PFN1: variants seen among roughly 807,000 people sequenced by gnomAD.
PFN1 encodes profilin 1, also known as profilin-1.
PFN1 carries 2 observed loss-of-function variants against 11.7 expected under a neutral mutation model. The ratio of observed to expected loss-of-function variants is 0.17; its 90% CI spans 0.07 to 0.54. PFN1 has a LOEUF of 0.54. Among genes scored for constraint, PFN1 ranks in the 20% least tolerant of loss-of-function variants. The pLI, the probability that PFN1 is intolerant of heterozygous loss-of-function variation, is 0.94. For synonymous variants in PFN1, 78 were observed against 76.2 expected (o/e 1.02, Z -0.12); for missense variants, 97 against 188.4 (o/e 0.51, Z 2.84).
intron 2 of PFN1, among the ~76,000 whole-genome samples, 174 bp from the exon 3 acceptor site, chr17:4,946,171 T>C (rs1055280883): frequency 1.3e-5 from 2 of 151,198 alleles, no homozygotes; most frequent in African/African-American, 4.9e-5. Flanking sequence ...AATAAGGCTT[T>C]TCAAAAGAGG....
intron 1 of PFN1, chr17:4,947,156 C>G (rs1387071300): frequency 7.0e-6 from 1 of 142,688 alleles, no homozygotes; most frequent in Admixed American, 8.0e-5. Context: ...TTTGGATGCT[C>G]AGAACTCTCC....
In PFN1 at chr17:4,948,514, G is replaced by A. The variant is rs2151136317; in HGVS notation, c.-120C>T. On this transcript the variant is annotated 5_prime_UTR_variant, in exon 1 of 3. Coordinates refer to ENST00000225655, the MANE Select transcript of PFN1 (RefSeq NM_005022.4). ...CGGGGCACGCGCTGCCGTCCGGACC[G>A]CGGCTCCGCTCGCTGTGCAGCAGCC... The A allele has an allele frequency of 5.2e-6, 6 of 1,156,330 alleles. No homozygotes were observed. Among genetic ancestry groups the A allele is most frequent in the African/African-American group, 1.6e-5 (1 of 60,926 alleles). 71.6% of individuals were successfully genotyped at this position (1,156,330 alleles called of 1,614,324 possible). A position where few individuals can be genotyped will look rare whatever the true frequency, so the allele number is the denominator to read the frequency against.
intron 2 of PFN1, 25 bp downstream of exon 2, chr17:4,946,603 G>A (rs1465771814): frequency 1.3e-6 from 2 of 1,565,714 alleles, no homozygotes; most frequent in Non-Finnish European, 1.7e-6. Context: ...TGGAGCTAAA[G>A]GAAGGGTAAG....
At position 4,946,664 on chromosome 17, in the gene PFN1, G is replaced by C; in HGVS notation, c.289C>G (p.Pro97Ala). Residue 97 changes from proline to alanine, a missense_variant, in exon 2 of 3, where the codon CCC becomes GCC. Transcript: ENST00000225655. ...TTGGTGACAGTGACATTGAAGGTGG[G>C]GGCCCCACCGGTGCTCTTGGTACGA... ...DLRTKSTGGAPTFNVTVTKTD... is the reference protein window; with the variant it reads ...DLRTKSTGGAATFNVTVTKTD... 9 of 1,613,672 alleles carry C rather than the reference G, an allele frequency of 5.6e-6. No individual in the cohort carries two copies. Among genetic ancestry groups the C allele is most frequent in the Non-Finnish European group, 7.6e-6 (9 of 1,179,730 alleles).
chr17:4,947,979 C>G (rs901083105), intron 1 of PFN1: 9 of 350,964 alleles, frequency 2.6e-5, no homozygotes, highest in Admixed American at 4.9e-5. Context: ...CGGAAGTGGG[C>G]CGCCGCACCG....
chr17:4,946,038 G>A (rs374390147), intron 2 of PFN1, 41 bp from the exon 3 acceptor site: 10 of 1,440,002 alleles, frequency 6.9e-6, no homozygotes, highest in Non-Finnish European at 9.8e-6. Context: ...GGATCCAGGT[G>A]TCACAATTCC....
chr17:4,947,977 G>A, intron 1 of PFN1: 1 of 349,436 alleles, frequency 2.9e-6, no homozygotes, highest in Non-Finnish European at 5.2e-6. Flanking sequence ...GGCGGAAGTG[G>A]GCCGCCGCAC....
In PFN1 at chr17:4,948,017, C is replaced by T. The variant is rs1276390662; in HGVS notation, c.132+246G>A. 2.7e-5 allele frequency: 12 copies of T among 438,382 alleles called. No individual in the cohort carries two copies. In the East Asian group the frequency reaches 4.3e-4, roughly 16 times the overall value. 27.2% of individuals were successfully genotyped at this position (438,382 alleles called of 1,614,324 possible). A position where few individuals can be genotyped will look rare whatever the true frequency, so the allele number is the denominator to read the frequency against. On this transcript the variant is annotated intron_variant, in intron 1 of 2. Coordinates refer to ENST00000225655, the MANE Select transcript of PFN1 (RefSeq NM_005022.4). Reference sequence around the variant, plus strand: ...CGCCGCGCCCCTCCCCGCCCTGTGCCCCGGATGTAACGCCCCGTCGCGGAA... The same window carrying T: ...CGCCGCGCCCCTCCCCGCCCTGTGCTCCGGATGTAACGCCCCGTCGCGGAA...
At chr17:4,947,898 T>C (rs377242789) in intron 1 of PFN1, among the ~76,000 whole-genome samples, 107 of 152,036 alleles carry the variant, frequency 7.0e-4, no homozygotes, top group East Asian at 3.7e-3. Flanking sequence ...GGTCCAAGGA[T>C]CCCCGGGTCC....
chr17:4,947,055 A>G (rs919939961), intron 1 of PFN1: 7 of 437,078 alleles, frequency 1.6e-5, no homozygotes, highest in Middle Eastern at 5.7e-4. Flanking sequence ...GGAGGAAGGG[A>G]TGACATACTC....
chr17:4,947,700 G>A (rs1971434648), intron 1 of PFN1, among the ~76,000 whole-genome samples: 1 of 152,112 alleles, frequency 6.6e-6, no homozygotes, highest in African/African-American at 2.4e-5. Context: ...GGCCTCGCAG[G>A]AATGTTGAAT....
chr17:4,946,879 T>C lies in PFN1; in HGVS notation c.133-59A>G, dbSNP rs994683028. On this transcript the variant is annotated intron_variant, in intron 1 of 2. Transcript: ENST00000225655. ...CAGTGCACCAAGATTCCCACCGTGT[T>C]CTCCAAAGACCCACCTGTCTTCCAC... 2.7e-6 allele frequency: 4 copies of C among 1,498,128 alleles called. No homozygotes were observed. The East Asian group carries it at 9.1e-5, about 34-fold the overall frequency. The allele number at this position is 1,498,128 out of a possible 1,614,324, so 92.8% of individuals were successfully genotyped here. A position where few individuals can be genotyped will look rare whatever the true frequency, so the allele number is the denominator to read the frequency against.
chr17:4,946,499 CAAGG>C (rs1174244124), intron 2 of PFN1, 125 bp downstream of exon 2: 10 of 686,276 alleles, frequency 1.5e-5, no homozygotes, highest in Admixed American at 1.2e-4. Flanking sequence ...ATCCAGCAGA[CAAGG>C]AACACAATAC....
intron 1 of PFN1, 163 bp from the exon 2 acceptor site, chr17:4,946,983 AG>A: frequency 1.9e-6 from 1 of 515,904 alleles, no homozygotes; most frequent in South Asian, 3.2e-5. Flanking sequence ...AGAAACTCTG[AG>A]GACTGTGGGA....
Position 4,946,396 on chromosome 17 carries a change from C to G in PFN1, c.325+232G>C, listed in dbSNP as rs113150784. ...AACAGTTTCTAATCCGAGCTCAAGG[C>G]AGTAAGTAATTTAAGAGGTAATGCA... On this transcript the variant is annotated intron_variant, in intron 2 of 2. Transcript: ENST00000225655. Among the ~76,000 whole-genome samples the G allele has an allele frequency of 4.7e-3, 716 of 152,224 alleles. 5 individuals carry two copies. The highest frequency in any genetic ancestry group is 0.016 in the African/African-American group (654 of 41,524).
intron 1 of PFN1, chr17:4,947,159 A>C (rs1971416699): frequency 7.3e-6 from 1 of 136,120 alleles, no homozygotes; most frequent in African/African-American, 2.8e-5. Context: ...GGATGCTCAG[A>C]ACTCTCCTTC....
rs143858310 is a variant in PFN1 at position 4,946,680 on chromosome 17, C to T, written c.273G>A (p.Lys91=). 2.2e-5 allele frequency: 36 copies of T among 1,613,904 alleles called. No homozygotes were observed. Among genetic ancestry groups the T allele is most frequent in the Non-Finnish European group, 3.0e-5 (35 of 1,179,944 alleles). The part of the protein sequence containing the change: ...DGEFSMDLRT[K]STGGAPTFNV... ...TGAAGGTGGGGGCCCCACCGGTGCT[C>T]TTGGTACGAAGATCCATGCTAAATT... The change falls in exon 2 of 3, where the codon AAG becomes AAA. Residue 91 remains lysine, a synonymous_variant. Coordinates refer to ENST00000225655, the MANE Select transcript of PFN1 (RefSeq NM_005022.4).
At chr17:4,946,487 G>A in intron 2 of PFN1, 141 bp downstream of exon 2, 1 of 645,604 alleles carries the variant, frequency 1.5e-6, no homozygotes, top group Non-Finnish European at 2.6e-6. Flanking sequence ...CCGTGTTCCA[G>A]CATCCAGCAG....
At chr17:4,947,143 G>A (rs1971416308) in intron 1 of PFN1, 1 of 152,760 alleles carries the variant, frequency 6.5e-6, no homozygotes, top group South Asian at 1.9e-4. Flanking sequence ...TAAGTGAGGA[G>A]CCTTTGGATG....
Sources: gnomAD v4.1 joint callset for allele counts (sites outside exome capture counted in the v4.1 genomes callset) on GRCh38, gnomAD v4.1.1 for gene constraint, MANE v1.5 for transcripts, NCBI Gene and HGNC (gene_info 2026-07-23, HGNC 2026-07-21) for gene names.